ZNF782: variants seen among roughly 807,000 people sequenced by gnomAD.
ZNF782 encodes the protein zinc finger protein 782.
Under a neutral mutation model 13.0 loss-of-function variants are expected in ZNF782, and 12 were observed. The ratio of observed to expected loss-of-function variants is 0.92; its 90% CI spans 0.59 to 1.50. The LOEUF is 1.50. Ranked by LOEUF, ZNF782 falls within the 40% of genes most tolerant of loss-of-function variation. The pLI, the probability that ZNF782 is intolerant of heterozygous loss-of-function variation, is 0.00. For synonymous variants in ZNF782, 284 were observed against 283.0 expected, an observed-to-expected ratio of 1.00 and a Z score of -0.04; for missense variants, 770 against 822.9, an observed-to-expected ratio of 0.94 and a Z score of 0.79.
chr9:96,822,492 A>G (rs1850457230), intron 5 of ZNF782, among the ~76,000 whole-genome samples: 1 of 152,098 alleles, frequency 6.6e-6, no homozygotes, highest in South Asian at 2.1e-4. Flanking sequence ...AAGTATTTCA[A>G]ACTATACCAC....
intron 4 of ZNF782, among the ~76,000 whole-genome samples, chr9:96,836,676 C>T (rs970250727): frequency 1.3e-5 from 2 of 152,000 alleles, no homozygotes; most frequent in Non-Finnish European, 2.9e-5. Context: ...GTGGTTCATC[C>T]CTGCAAAAAC....
At chr9:96,863,356 A>T (rs557523461) in intron 1 of ZNF782, among the ~76,000 whole-genome samples, 27 of 152,286 alleles carry the variant, frequency 1.8e-4, no homozygotes, top group African/African-American at 4.3e-4. Flanking sequence ...AAAATAAAAA[A>T]AAAAAAATAC....
chr9:96,933,030 A>G, the ZNF782 span, among the ~76,000 whole-genome samples: 1 of 137,104 alleles, frequency 7.3e-6, no homozygotes, highest in Non-Finnish European at 1.5e-5. Context: ...CAGGGTGGAG[A>G]GCAGTGGCGT....
intron 3 of ZNF782, among the ~76,000 whole-genome samples, chr9:96,845,362 A>C (rs1851315558): frequency 6.6e-6 from 1 of 152,198 alleles, no homozygotes; most frequent in African/African-American, 2.4e-5. Flanking sequence ...TCCTGGGTTC[A>C]AGCAATTCCC....
At chr9:96,869,073 G>A (rs1851794239) in intron 1 of ZNF782, among the ~76,000 whole-genome samples, 1 of 152,086 alleles carries the variant, frequency 6.6e-6, no homozygotes, top group African/African-American at 2.4e-5. Context: ...GTAAGGCTAT[G>A]AAGGTACTAA....
intron 4 of ZNF782, among the ~76,000 whole-genome samples, chr9:96,839,423 C>G (rs1378149811): frequency 6.6e-6 from 1 of 151,502 alleles, no homozygotes; most frequent in African/African-American, 2.4e-5. Context: ...TCAAAGTCTT[C>G]TTATGTGTTT....
intron 1 of ZNF782, among the ~76,000 whole-genome samples, chr9:96,865,453 C>T (rs905939462): frequency 6.6e-6 from 1 of 152,206 alleles, no homozygotes; most frequent in African/African-American, 2.4e-5. Context: ...ATGACTTGCT[C>T]CTCCTTGCCT....
At chr9:96,927,190 T>C in the ZNF782 span, among the ~76,000 whole-genome samples, 311 of 152,308 alleles carry the variant, frequency 2.0e-3, no homozygotes, top group African/African-American at 7.0e-3. Context: ...AGGACAGCAA[T>C]GAGCTGAGAG....
chr9:96,850,237 A>T lies in ZNF782; in HGVS notation c.15+1710T>A, dbSNP rs904539171. ...TTGTAGCAGCACGATTCACAATTGC[A>T]AAGATGTGGAACCAACCTAAGTGCC... is the stretch of plus-strand genomic sequence containing the variant. On this transcript the variant is annotated intron_variant, in intron 3 of 5. Transcript: ENST00000481138. This position sits in a 1 kb window ranked among gnomAD's most constrained non-coding sequence, Gnocchi z 4.3. 3.9e-5 allele frequency among the ~76,000 whole-genome samples: 6 copies of T among 152,378 alleles called. No individual in the cohort carries two copies. In the South Asian group the frequency reaches 1.2e-3, roughly 32 times the overall value.
At chr9:96,844,280 GA>G (rs1564007623) in intron 4 of ZNF782, among the ~76,000 whole-genome samples, 1 of 152,248 alleles carries the variant, frequency 6.6e-6, no homozygotes, top group East Asian at 1.9e-4. Context: ...TTGACACAAA[GA>G]CTTGTATGTG....
upstream of ZNF782, among the ~76,000 whole-genome samples, chr9:96,877,681 C>T (rs930237844): frequency 6.6e-6 from 1 of 152,176 alleles, no homozygotes; most frequent in Non-Finnish European, 1.5e-5. Context: ...AGCAATTTCC[C>T]GGCAAAGTCC....
chr9:96,887,302 G>GAAGT, the ZNF782 span: 15 of 122,928 alleles, frequency 1.2e-4, no homozygotes, highest in African/African-American at 3.9e-4. Flanking sequence ...AGGAAGGAAG[G>GAAGT]AAGGAAGGAA....
upstream of ZNF782, among the ~76,000 whole-genome samples, chr9:96,876,779 GC>G (rs2118900055): frequency 6.6e-6 from 1 of 152,062 alleles, no homozygotes; most frequent in East Asian, 1.9e-4. Context: ...GCCGAGGCGG[GC>G]GGATTGCCTG....
intron 4 of ZNF782, among the ~76,000 whole-genome samples, chr9:96,830,343 T>G (rs1439503126): frequency 6.6e-6 from 1 of 152,120 alleles, no homozygotes; most frequent in Non-Finnish European, 1.5e-5. Flanking sequence ...GGCTGAGACA[T>G]GTCTCCAAGC....
the ZNF782 span, among the ~76,000 whole-genome samples, chr9:96,883,082 A>G: frequency 1.3e-5 from 2 of 152,246 alleles, no homozygotes; most frequent in African/African-American, 4.8e-5. Flanking sequence ...AAAGTTGTTT[A>G]GTTTCTTTGC....
chr9:96,885,985 C>T, the ZNF782 span, among the ~76,000 whole-genome samples: 2 of 151,918 alleles, frequency 1.3e-5, no homozygotes, highest in Non-Finnish European at 2.9e-5. Context: ...GCAGCTGGGA[C>T]CACAGGCACA....
chr9:96,874,543 G>A lies in ZNF782; in HGVS notation c.-457+925C>T, dbSNP rs1410191. On this transcript the variant is annotated intron_variant, in intron 1 of 5. Coordinates refer to the ZNF782 transcript ENST00000498811. ...TCTCCCCTTGGTCTTCTCAAAGCTG[G>A]TCCAGGCATTCCACTGTCACAGACT... 1.3e-3 allele frequency among the ~76,000 whole-genome samples: 197 copies of A among 152,274 alleles called. 2 individuals are homozygous for A. Among genetic ancestry groups the A allele is most frequent in the African/African-American group, 4.4e-3 (184 of 41,542 alleles).
chr9:96,916,009 G>A, the ZNF782 span, among the ~76,000 whole-genome samples: 1 of 151,308 alleles, frequency 6.6e-6, no homozygotes, highest in African/African-American at 2.4e-5. Context: ...CAGCAGTGAA[G>A]GATATAAACA....
intron 4 of ZNF782, among the ~76,000 whole-genome samples, chr9:96,842,058 C>A (rs1218684691): frequency 6.6e-6 from 1 of 151,854 alleles, no homozygotes; most frequent in African/African-American, 2.4e-5. Flanking sequence ...AACTAGCAAC[C>A]TTTGTAAGCA....
Sources: allele counts gnomAD v4.1 joint callset (sites outside exome capture counted in the v4.1 genomes callset), GRCh38; gene constraint gnomAD v4.1.1; non-coding constraint Gnocchi (gnomAD v3.1); transcripts MANE v1.5; gene names NCBI Gene and HGNC (gene_info 2026-07-23, HGNC 2026-07-21).